Variants in MYLK observed in about 807,000 individuals in gnomAD.
MYLK encodes the protein myosin light chain kinase, smooth muscle.
A neutral mutation model predicts 203.4 loss-of-function variants in MYLK; 106 were observed. That is an observed-to-expected ratio of 0.52 (90% CI 0.45 to 0.61). MYLK has a LOEUF of 0.61. Among genes scored for constraint, MYLK ranks in the 20% least tolerant of loss-of-function variants. The pLI is 0.00. For missense variants in MYLK, 2,072 were observed against 2,442.3 expected, an observed-to-expected ratio of 0.85 and a Z score of 3.20; for synonymous variants, 867 against 959.5, an observed-to-expected ratio of 0.90 and a Z score of 1.78.
At chr3:123,869,814 C>A (rs939133296) in intron 2 of MYLK, among the ~76,000 whole-genome samples, 4 of 152,180 alleles carry the variant, frequency 2.6e-5, no homozygotes, top group East Asian at 1.9e-4. Context: ...CTAATAAGTT[C>A]TTGAGCTGGG....
At chr3:123,760,824 C>T (rs533703644) in intron 4 of MYLK, among the ~76,000 whole-genome samples, 33 of 152,094 alleles carry the variant, frequency 2.2e-4, no homozygotes, top group Middle Eastern at 3.4e-3. Context: ...ATTTAAAGAC[C>T]GAAACCCAAT....
intron 19 of MYLK, among the ~76,000 whole-genome samples, chr3:123,688,691 G>C (rs1276223941): frequency 6.6e-6 from 1 of 152,052 alleles, no homozygotes; most frequent in Non-Finnish European, 1.5e-5. Context: ...CTTGCTCATG[G>C]CTCCACCACC....
At chr3:123,800,544 C>T (rs891098536) in intron 3 of MYLK, among the ~76,000 whole-genome samples, 2 of 152,146 alleles carry the variant, frequency 1.3e-5, no homozygotes, top group African/African-American at 2.4e-5. Context: ...ATGTTGAGCA[C>T]GACTTTGCCT....
chr3:123,693,923 C>T (rs1485522563), intron 18 of MYLK, among the ~76,000 whole-genome samples: 3 of 152,222 alleles, frequency 2.0e-5, no homozygotes, highest in African/African-American at 7.2e-5. Context: ...GGGCCACATG[C>T]ACTTTGCTGC....
intron 4 of MYLK, among the ~76,000 whole-genome samples, chr3:123,757,556 G>C (rs1244900533): frequency 6.6e-6 from 1 of 152,208 alleles, no homozygotes; most frequent in Non-Finnish European, 1.5e-5. Flanking sequence ...AAGCAGGATT[G>C]AGCTGAGGCC....
chr3:123,795,854 T>C (rs905884791), intron 3 of MYLK, among the ~76,000 whole-genome samples: 6 of 152,272 alleles, frequency 3.9e-5, no homozygotes, highest in Non-Finnish European at 7.3e-5. Context: ...TCCTATGCTG[T>C]GAGTCAGGTA....
chr3:123,845,415 C>T (rs915236881), intron 2 of MYLK, among the ~76,000 whole-genome samples: 1 of 152,188 alleles, frequency 6.6e-6, no homozygotes, highest in African/African-American at 2.4e-5. Context: ...GTCAGGAGTC[C>T]ATCCACCTCA....
Position 123,737,461 on chromosome 3 carries a change from T to A in MYLK, c.671A>T (p.Asn224Ile). The A allele has an allele frequency of 1.2e-6, 2 of 1,614,182 alleles. No homozygotes were observed. Among genetic ancestry groups the A allele is most frequent in the African/African-American group, 1.3e-5 (1 of 75,058 alleles). The change falls in exon 8 of 34, where the codon AAC becomes ATC. Residue 224 changes from asparagine (N) to isoleucine (I), a missense_variant. By Grantham distance (149) the Asn-to-Ile change is moderately radical. Coordinates refer to ENST00000360304, the MANE Select transcript of MYLK (RefSeq NM_053025.4). ...CGTGTACACTCCCACGTCATCTTGG[T>A]TGACTCCATGGATTTCCAGAACCTG... ...GMQVLEIHGVNQDDVGVYTCL... is the reference protein window; with the variant it reads ...GMQVLEIHGVIQDDVGVYTCL...
intron 3 of MYLK, 183 bp downstream of exon 3, chr3:123,831,365 C>T: frequency 7.8e-7 from 1 of 1,288,158 alleles, no homozygotes; most frequent in South Asian, 1.2e-5. Context: ...AATCAACAGA[C>T]AATGCTACAG....
In MYLK at chr3:123,618,699, T is replaced by A; in HGVS notation, c.5440A>T (p.Thr1814Ser). 1 of 1,614,102 alleles carries A rather than the reference T, an allele frequency of 6.2e-7. No individual in the cohort carries two copies. Among genetic ancestry groups the A allele is most frequent in the Non-Finnish European group, 8.5e-7 (1 of 1,179,998 alleles). The change falls in exon 33 of 34, where the codon ACC becomes TCC. Residue 1814 changes from threonine to serine, a missense_variant. Thr to Ser is a moderately conservative substitution (Grantham distance 58). Transcript: ENST00000360304. ...TCCACAACTTCTAAATCGCGAATGG[T>A]CTTAGAGAAATAGGGTTTTACATGA... ...KPHVKPYFSK[T>S]IRDLEVVEGS...
In MYLK at chr3:123,613,841, A is replaced by G. The variant is rs779402359; in HGVS notation, c.*264T>C. ...TTTGGTTACTTTCTCTCTAAAATCA[A>G]TTGGTCAGTCAAGTTACTGGTGATT... On this transcript the variant is annotated 3_prime_UTR_variant, in exon 34 of 34. Transcript: ENST00000360304. 9 of 484,260 alleles carry G rather than the reference A, an allele frequency of 1.9e-5. No homozygotes were observed. The highest frequency in any genetic ancestry group is 7.9e-5 in the East Asian group (2 of 25,416). The allele number at this position is 484,260 out of a possible 1,614,324, so 30.0% of individuals were successfully genotyped here. A position where few individuals can be genotyped will look rare whatever the true frequency, so the allele number is the denominator to read the frequency against.
At chr3:123,793,212 T>G (rs2064850969) in intron 4 of MYLK, among the ~76,000 whole-genome samples, 1 of 152,094 alleles carries the variant, frequency 6.6e-6, no homozygotes, top group African/African-American at 2.4e-5. Flanking sequence ...AGAAGTGAAA[T>G]GAGAGGTCCT....
intron 2 of MYLK, among the ~76,000 whole-genome samples, chr3:123,849,376 G>A (rs2030458063): frequency 6.6e-6 from 1 of 152,162 alleles, no homozygotes; most frequent in Non-Finnish European, 1.5e-5. Context: ...GATCAGTTGT[G>A]CTGGTCCAGA....
At chr3:123,866,761 C>G (rs779177353) in intron 2 of MYLK, among the ~76,000 whole-genome samples, 3 of 152,154 alleles carry the variant, frequency 2.0e-5, no homozygotes, top group Non-Finnish European at 4.4e-5. Flanking sequence ...CAGGACAACC[C>G]TTAGAGTCAA....
In MYLK at chr3:123,730,009, T is replaced by C. The variant is rs144669403; in HGVS notation, c.1516+2887A>G. On this transcript the variant is annotated intron_variant, in intron 11 of 33. Coordinates refer to ENST00000360304, the MANE Select transcript of MYLK (RefSeq NM_053025.4). ...TGGGAGGTTGAAGTGGGAGGATCAC[T>C]CAAGTCTAGGGGTTTGAGACCAGCC... Among the ~76,000 whole-genome samples, 547 of 152,102 alleles carry C rather than the reference T, an allele frequency of 3.6e-3. 4 individuals are homozygous for C. The highest frequency in any genetic ancestry group is 0.013 in the African/African-American group (526 of 41,476).
rs537592124 is a variant in MYLK, at chr3:123,642,720, T to C, written c.4620-2216A>G. ...GTTATTAACATCTCTGTGCTTCATTTTCCTCATCTGTAAGATGCAGATTAA... is the reference window on the plus strand; with the variant it reads ...GTTATTAACATCTCTGTGCTTCATTCTCCTCATCTGTAAGATGCAGATTAA... On this transcript the variant is annotated intron_variant, in intron 27 of 33. Transcript: ENST00000360304. The surrounding 1 kb of genome is among the most constrained non-coding windows in gnomAD (Gnocchi z 4.2). Among the ~76,000 whole-genome samples the C allele has an allele frequency of 3.0e-4, 45 of 152,368 alleles. No individual in the cohort carries two copies. Among genetic ancestry groups the C allele is most frequent in the African/African-American group, 1.1e-3 (44 of 41,594 alleles).
chr3:123,621,357 A>C (rs2057845157), intron 31 of MYLK: 1 of 152,194 alleles, frequency 6.6e-6, no homozygotes, highest in Non-Finnish European at 1.5e-5. Context: ...GCATCTAGAC[A>C]ACAGATGTCA....
At chr3:123,845,992 AC>A (rs1162385963) in intron 2 of MYLK, among the ~76,000 whole-genome samples, 3 of 152,240 alleles carry the variant, frequency 2.0e-5, no homozygotes, top group Admixed American at 2.0e-4. Context: ...ATTTTTCAAA[AC>A]TAAGAAACCA....
At chr3:123,855,792 G>A (rs760927696) in intron 2 of MYLK, among the ~76,000 whole-genome samples, 8 of 152,068 alleles carry the variant, frequency 5.3e-5, no homozygotes, top group Non-Finnish European at 5.9e-5. Context: ...AGACAAGCAT[G>A]GTAACCAAAG....
Sources: gnomAD v4.1 joint callset for allele counts (sites outside exome capture counted in the v4.1 genomes callset) on GRCh38, gnomAD v4.1.1 for gene constraint, Gnocchi (gnomAD v3.1) non-coding constraint, MANE v1.5 for transcripts, NCBI Gene and HGNC (gene_info 2026-07-23, HGNC 2026-07-21) for gene names.